FCSK: variants seen among roughly 807,000 people sequenced by gnomAD.
FCSK encodes L-fucose kinase.
In FCSK, 123 loss-of-function variants were observed where a neutral mutation model predicts 122.5. The ratio of observed to expected loss-of-function variants is 1.00; its 90% confidence interval spans 0.87 to 1.17. FCSK has a LOEUF of 1.17. FCSK is among the 50% of genes most tolerant of loss of function. The pLI, the probability that FCSK is intolerant of heterozygous loss-of-function variation, is 0.00. For synonymous variants in FCSK, 620 were observed against 625.5 expected (o/e 0.99, Z 0.13); for missense variants, 1,366 against 1,450.4 (o/e 0.94, Z 0.95).
intron 11 of FCSK, 63 bp downstream of exon 11, chr16:70,470,489 C>T: frequency 1.9e-6 from 2 of 1,037,232 alleles, no homozygotes; most frequent in Admixed American, 3.9e-5. Context: ...ATGTGGATTC[C>T]CGGGAAGAAA....
At position 70,473,155 on chromosome 16, in the gene FCSK, C is replaced by G; in HGVS notation, c.1579C>G (p.Arg527Gly). The G allele has an allele frequency of 6.5e-7, 1 of 1,549,386 alleles. No homozygotes were observed. Among genetic ancestry groups the G allele is most frequent in the Non-Finnish European group, 8.7e-7 (1 of 1,149,862 alleles). ...EALRAWRASW[R>G]LSWEQLQPCL... ...CCTGCGAGCCTGGCGGGCCTCCTGG[C>G]GCCTGTCCTGGGAGCAGCTGCAGCC... is the stretch of plus-strand genomic sequence containing the variant. The change falls in exon 15 of 24, where the codon CGC (arginine) becomes GGC (glycine). Residue 527 changes from arginine (R) to glycine (G), a missense_variant. By Grantham distance (125) the Arg-to-Gly change is moderately radical. Transcript: ENST00000288078. This position sits in a 1 kb window ranked among gnomAD's most constrained non-coding sequence, Gnocchi z 4.9.
intron 13 of FCSK, among the ~76,000 whole-genome samples, chr16:70,471,946 C>T (rs2048637144): frequency 6.6e-6 from 1 of 151,874 alleles, no homozygotes; most frequent in African/African-American, 2.4e-5. Flanking sequence ...GCTGGGAGTA[C>T]AGGCGCCCAC....
rs981231648 is a variant in FCSK, at chr16:70,473,711, A to C, written c.1777+358A>C. The stretch of plus-strand genomic sequence containing the variant: ...CAGGGGACATGGTCATCTCTGCATG[A>C]GGTCCCAAGCACACTTCCGGGGGCT... On this transcript the variant is annotated intron_variant, in intron 15 of 23. Coordinates refer to ENST00000288078, the MANE Select transcript of FCSK (RefSeq NM_145059.3). The surrounding 1 kb of genome is among the most constrained non-coding windows in gnomAD (Gnocchi z 4.9). Among the ~76,000 whole-genome samples the C allele has an allele frequency of 6.6e-6, 1 of 152,174 alleles. No homozygotes were observed. Among genetic ancestry groups the C allele is most frequent in the Non-Finnish European group, 1.5e-5 (1 of 68,016 alleles).
At chr16:70,475,084 G>T in intron 18 of FCSK, 73 bp downstream of exon 18, 1 of 1,396,406 alleles carries the variant, frequency 7.2e-7, no homozygotes, top group Non-Finnish European at 9.7e-7. Context: ...GAGACTGCAG[G>T]CCAGTGGGGT....
chr16:70,471,558 C>A (rs1234814843), intron 13 of FCSK, among the ~76,000 whole-genome samples: 2 of 152,210 alleles, frequency 1.3e-5, no homozygotes, highest in African/African-American at 4.8e-5. Context: ...CAGGCCTTTA[C>A]CTCCCTCCTT....
rs528315139 is a variant in FCSK at position 70,473,927 on chromosome 16, C to T, written c.1778-202C>T. On this transcript the variant is annotated intron_variant, in intron 15 of 23. Transcript: ENST00000288078. This position sits in a 1 kb window ranked among gnomAD's most constrained non-coding sequence, Gnocchi z 4.9. ...TGTCCTGGGTGGGGGTGAAGAGACA[C>T]CTATGGGCTGGGACTGGCAAGACGA... Among the ~76,000 whole-genome samples the T allele has an allele frequency of 2.0e-5, 3 of 152,192 alleles. No individual in the cohort carries two copies. Among genetic ancestry groups the T allele is most frequent in the African/African-American group, 7.2e-5 (3 of 41,506 alleles).
rs1405851645 is a variant in FCSK, at chr16:70,478,601, C to T, written c.2880C>T (p.Ala960=). The change falls in exon 22 of 24, where the codon GCC becomes GCT. Residue 960 remains alanine (A), a synonymous_variant. Transcript: ENST00000288078. ...GACTTCCTGCTGTGGTGCAGAATGC[C>T]CACAGCCTGGTACGGCAAACTGAGG... ...YARLPAVVQN[A]HSLVRQTEEC... The T allele has an allele frequency of 6.2e-7, 1 of 1,613,716 alleles. No individual in the cohort carries two copies. The highest frequency in any genetic ancestry group is 8.5e-7 in the Non-Finnish European group (1 of 1,180,020).
At chr16:70,467,345 G>A in intron 6 of FCSK, 29 bp from the exon 7 acceptor site, 1 of 1,528,192 alleles carries the variant, frequency 6.5e-7, no homozygotes, top group Non-Finnish European at 9.0e-7. Flanking sequence ...GGAGGCCCCT[G>A]GGAGCCTCCT....
Position 70,474,813 on chromosome 16 carries a change from C to G in FCSK, c.2179C>G (p.Leu727Val), listed in dbSNP as rs1387455904. 1 of 1,585,392 alleles carries G rather than the reference C, an allele frequency of 6.3e-7. No homozygotes were observed. Among genetic ancestry groups the G allele is most frequent in the Non-Finnish European group, 8.6e-7 (1 of 1,166,092 alleles). Residue 727 changes from leucine to valine, a missense_variant, in exon 18 of 24, where the codon CTT becomes GTT. Transcript: ENST00000288078. ...AGGGGGCTGGAGTGACACGCCACCC[C>G]TTGCCTATGAGCTTGGCGGGGCTGT... ...FSGGWSDTPP[L>V]AYELGGAVLG...
At chr16:70,477,003 G>A (rs2048838586) in intron 20 of FCSK, among the ~76,000 whole-genome samples, 1 of 152,166 alleles carries the variant, frequency 6.6e-6, no homozygotes, top group African/African-American at 2.4e-5. Flanking sequence ...CAAGTGCTTT[G>A]AAGCAGAGGG....
chr16:70,467,099 G>T, intron 6 of FCSK, 145 bp downstream of exon 6: 1 of 789,170 alleles, frequency 1.3e-6, no homozygotes, highest in Non-Finnish European at 2.1e-6. Context: ...ATGAAGCCTG[G>T]TGGAGGCAGG....
chr16:70,478,571 T>C lies in FCSK; in HGVS notation c.2850T>C (p.Tyr950=), dbSNP rs1278660249. The C allele has an allele frequency of 3.1e-6, 5 of 1,613,686 alleles. No homozygotes were observed. The highest frequency in any genetic ancestry group is 2.2e-5 in the East Asian group (1 of 44,886). ...NLLQDVLRSW[Y]ARLPAVVQNA... ...CGCAGGATGTGCTGAGGAGCTGGTATGCCCGACTTCCTGCTGTGGTGCAGA... is the reference window on the plus strand; with the variant it reads ...CGCAGGATGTGCTGAGGAGCTGGTACGCCCGACTTCCTGCTGTGGTGCAGA... Residue 950 remains tyrosine (Y), a synonymous_variant, in exon 22 of 24, where the codon TAT becomes TAC. Transcript: ENST00000288078.
chr16:70,459,099 T>A (rs2048182033), intron 1 of FCSK, among the ~76,000 whole-genome samples: 1 of 151,654 alleles, frequency 6.6e-6, no homozygotes, highest in Admixed American at 6.6e-5. Flanking sequence ...GGCATGTGCC[T>A]ATGGTCCCAG....
At position 70,473,210 on chromosome 16, in the gene FCSK, C is replaced by T; in HGVS notation, c.1634C>T (p.Ser545Phe). The T allele has an allele frequency of 1.3e-6, 2 of 1,536,712 alleles. No individual in the cohort carries two copies. The highest frequency in any genetic ancestry group is 1.7e-6 in the Non-Finnish European group (2 of 1,146,130). Residue 545 changes from serine to phenylalanine, a missense_variant, in exon 15 of 24, where the codon TCT becomes TTT. Coordinates refer to ENST00000288078, the MANE Select transcript of FCSK (RefSeq NM_145059.3). This position sits in a 1 kb window ranked among gnomAD's most constrained non-coding sequence, Gnocchi z 4.9. ...CTGGATCGGGCTGCCACGCTGGCCTCTCGCCGGGACCTGTTCTTCCGCCAG... is the reference window on the plus strand; with the variant it reads ...CTGGATCGGGCTGCCACGCTGGCCTTTCGCCGGGACCTGTTCTTCCGCCAG... ...PCLDRAATLA[S>F]RRDLFFRQAL...
In FCSK at chr16:70,458,711, G is replaced by C. The variant is rs2048170222; in HGVS notation, c.-23+4081G>C. On this transcript the variant is annotated intron_variant, in intron 1 of 23. Transcript: ENST00000288078. ...AATCTTCCTGCCTTGGCCTTCCAAA[G>C]TGCTGGGATTACAGGCATAAGCCAC... Among the ~76,000 whole-genome samples the C allele has an allele frequency of 2.0e-5, 3 of 151,424 alleles. No individual in the cohort carries two copies. The South Asian group carries it at 6.3e-4, about 32-fold the overall frequency.
At chr16:70,461,381 G>A (rs1439065257) in intron 1 of FCSK, among the ~76,000 whole-genome samples, 1 of 152,076 alleles carries the variant, frequency 6.6e-6, no homozygotes, top group African/African-American at 2.4e-5. Context: ...GGGTACTCCT[G>A]GGGGACTCGG....
chr16:70,474,033 G>GT (rs2048715538), intron 15 of FCSK, 96 bp from the exon 16 acceptor site: 2 of 1,147,826 alleles, frequency 1.7e-6, no homozygotes. Context: ...GGTGTGAGGG[G>GT]TCTGGCGCAT....
Position 70,479,821 on chromosome 16 carries a change from G to A in FCSK, c.*141G>A. On this transcript the variant is annotated 3_prime_UTR_variant, in exon 24 of 24. Coordinates refer to ENST00000288078, the MANE Select transcript of FCSK (RefSeq NM_145059.3). ...AAGGAAGCTGACCAGAGCAAGATCT[G>A]GGCAAGCAGAGAGTGCCTGGGACAG... 1.6e-6 allele frequency: 1 copy of A among 633,002 alleles called. No homozygotes were observed. Among genetic ancestry groups the A allele is most frequent in the Non-Finnish European group, 2.7e-6 (1 of 364,578 alleles). 39.2% of individuals were successfully genotyped at this position (633,002 alleles called of 1,614,324 possible).
intron 1 of FCSK, among the ~76,000 whole-genome samples, chr16:70,458,762 A>G (rs1476302720): frequency 6.6e-6 from 1 of 152,084 alleles, no homozygotes; most frequent in East Asian, 1.9e-4. Flanking sequence ...AGTGGCTATT[A>G]TTACTAAAAT....
Sources: gnomAD v4.1 joint callset for allele counts (sites outside exome capture counted in the v4.1 genomes callset) on GRCh38, gnomAD v4.1.1 for gene constraint, Gnocchi (gnomAD v3.1) non-coding constraint, MANE v1.5 for transcripts, NCBI Gene and HGNC (gene_info 2026-07-23, HGNC 2026-07-21) for gene names.